ZFYVE16: variants seen among roughly 807,000 people sequenced by gnomAD.
ZFYVE16 encodes the protein zinc finger FYVE domain-containing protein 16.
ZFYVE16 carries 89 observed loss-of-function variants against 138.1 expected under a neutral mutation model. The observed-to-expected ratio is 0.64, with a 90% CI of 0.54 to 0.77. The LOEUF is 0.77. ZFYVE16 is among the 30% of genes least tolerant of loss of function. ZFYVE16 has a pLI of 0.00. For missense variants in ZFYVE16, 1,793 were observed against 1,786.7 expected, an observed-to-expected ratio of 1.00 and a Z score of -0.06; for synonymous variants, 596 against 618.3, an observed-to-expected ratio of 0.96 and a Z score of 0.53.
rs566995167 is a variant in ZFYVE16, at chr5:80,475,701, A to G, written c.4461+871A>G. Among the ~76,000 whole-genome samples the G allele has an allele frequency of 1.0e-3, 158 of 152,286 alleles. 1 individual carries two copies. Among genetic ancestry groups the G allele is most frequent in the Middle Eastern group, 3.4e-3 (1 of 294 alleles). On this transcript the variant is annotated intron_variant, in intron 18 of 18. Coordinates refer to ENST00000505560, the MANE Select transcript of ZFYVE16 (RefSeq NM_001284236.3). ...CATTCTTTTTTAACAGCGGCATAGT[A>G]GTTGATTATATAAATGTACCATAAT...
At chr5:80,435,203 T>G (rs907599679) in intron 3 of ZFYVE16, among the ~76,000 whole-genome samples, 5 of 152,080 alleles carry the variant, frequency 3.3e-5, no homozygotes, top group Non-Finnish European at 5.9e-5. Flanking sequence ...CCCAGCTAAT[T>G]TTTGTATTTT....
chr5:80,429,519 G>C (rs563541961), intron 2 of ZFYVE16, among the ~76,000 whole-genome samples: 2 of 152,246 alleles, frequency 1.3e-5, no homozygotes, highest in East Asian at 3.9e-4. Context: ...AAAGACCATC[G>C]ATGCTAGGAA....
chr5:80,441,804 A>G, intron 5 of ZFYVE16: 1 of 985,406 alleles, frequency 1.0e-6, no homozygotes, highest in African/African-American at 1.7e-5. Flanking sequence ...ATTCAGTGGC[A>G]CTTGAGGAAG....
At chr5:80,432,128 T>A (rs1430444860) in intron 2 of ZFYVE16, among the ~76,000 whole-genome samples, 9 of 152,122 alleles carry the variant, frequency 5.9e-5, no homozygotes, top group African/African-American at 2.2e-4. Context: ...CATTGCCAAG[T>A]CGATCCTAAG....
At chr5:80,464,243 G>A (rs1330988842) in intron 15 of ZFYVE16, among the ~76,000 whole-genome samples, 1 of 151,296 alleles carries the variant, frequency 6.6e-6, no homozygotes, top group Non-Finnish European at 1.5e-5. Context: ...AAGGAAAGAG[G>A]TTTAATTGAC....
At chr5:80,465,811 C>G (rs1753689504) in intron 15 of ZFYVE16, among the ~76,000 whole-genome samples, 1 of 152,080 alleles carries the variant, frequency 6.6e-6, no homozygotes, top group Non-Finnish European at 1.5e-5. Context: ...CTTTGTCATT[C>G]ACAGTTTGAC....
chr5:80,445,238 GTT>G, intron 6 of ZFYVE16, 23 bp from the exon 7 acceptor site: 3 of 1,602,232 alleles, frequency 1.9e-6, no homozygotes, highest in Non-Finnish European at 2.6e-6. Context: ...AGATTCAAAT[GTT>G]TTACTTTTTC....
chr5:80,450,218 C>A (rs1443854243), intron 9 of ZFYVE16, among the ~76,000 whole-genome samples: 1 of 151,754 alleles, frequency 6.6e-6, no homozygotes, highest in Non-Finnish European at 1.5e-5. Flanking sequence ...TTTAGTGCAT[C>A]TTTTATTTTA....
intron 1 of ZFYVE16, among the ~76,000 whole-genome samples, chr5:80,422,482 G>A (rs1372976116): frequency 2.0e-5 from 3 of 152,028 alleles, no homozygotes; most frequent in Non-Finnish European, 2.9e-5. Context: ...ACAGAGTCTC[G>A]CTCTGTCTGT....
Position 80,441,886 on chromosome 5 carries a change from C to T in ZFYVE16, c.2420-1237C>T, listed in dbSNP as rs146461959. The T allele has an allele frequency of 1.6e-4, 159 of 985,270 alleles. 2 individuals carry two copies. The African/African-American group carries it at 2.6e-3, about 16-fold the overall frequency. 61.0% of individuals were successfully genotyped at this position (985,270 alleles called of 1,614,324 possible). A position where few individuals can be genotyped will look rare whatever the true frequency, so the allele number is the denominator to read the frequency against. On this transcript the variant is annotated intron_variant, in intron 5 of 18. Transcript: ENST00000505560. The stretch of plus-strand genomic sequence containing the variant: ...TGCTGAAGGGAGAGCTATCAGTGTT[C>T]CTTATTTTTTGGATGAAGAATCACT...
chr5:80,472,631 C>G (rs1754497406), intron 15 of ZFYVE16, 130 bp from the exon 16 acceptor site: 1 of 952,332 alleles, frequency 1.1e-6, no homozygotes, highest in African/African-American at 1.7e-5. Context: ...GGAAAACAAC[C>G]ATTAAGATGA....
At position 80,445,418 on chromosome 5, in the gene ZFYVE16, A is replaced by G. The variant is rs746510001; in HGVS notation, c.2724+13A>G. 4 of 1,606,842 alleles carry G rather than the reference A, an allele frequency of 2.5e-6. No homozygotes were observed. Among genetic ancestry groups the G allele is most frequent in the Non-Finnish European group, 1.7e-6 (2 of 1,177,530 alleles). ...TGATGTGCCTATGGTAAGGAATTCAAAGAATAACTTAATTGACTAAACAAA... is the reference window on the plus strand; with the variant it reads ...TGATGTGCCTATGGTAAGGAATTCAGAGAATAACTTAATTGACTAAACAAA... On this transcript the variant is annotated intron_variant, in intron 7 of 18. Coordinates refer to ENST00000505560, the MANE Select transcript of ZFYVE16 (RefSeq NM_001284236.3).
chr5:80,422,935 C>T (rs572068101), intron 1 of ZFYVE16, among the ~76,000 whole-genome samples: 1 of 152,178 alleles, frequency 6.6e-6, no homozygotes, highest in South Asian at 2.1e-4. Context: ...GCACCATTTT[C>T]TTGAGCATTT....
At chr5:80,455,178 G>A (rs182338029) in intron 11 of ZFYVE16, 2 of 156,770 alleles carry the variant, frequency 1.3e-5, no homozygotes, top group Admixed American at 1.2e-4. Flanking sequence ...ATAAGATAAT[G>A]TATGTATAGT....
chr5:80,451,647 A>T lies in ZFYVE16; in HGVS notation c.3545A>T (p.Glu1182Val). 6.2e-7 allele frequency: 1 copy of T among 1,613,958 alleles called. No homozygotes were observed. Among genetic ancestry groups the T allele is most frequent in the South Asian group, 1.1e-5 (1 of 91,070 alleles). The change falls in exon 11 of 19, where the codon GAG (glutamate) becomes GTG (valine). Residue 1182 changes from glutamate (E) to valine (V), a missense_variant. Around this residue, in one of 2 missense-constraint regions of ZFYVE16, gnomAD observed 498 missense variants for 582.4 expected, o/e 0.86. Coordinates refer to ENST00000505560, the MANE Select transcript of ZFYVE16 (RefSeq NM_001284236.3). Reference protein sequence around the residue: ...FLCGILIQKLEIPWAKVFPMR... With the variant: ...FLCGILIQKLVIPWAKVFPMR... ...TGTGGAATTCTTATCCAGAAGCTTGAGATTCCCTGGGCAAAGGTTTTTCCT... is the reference window on the plus strand; with the variant it reads ...TGTGGAATTCTTATCCAGAAGCTTGTGATTCCCTGGGCAAAGGTTTTTCCT...
intron 10 of ZFYVE16, 144 bp downstream of exon 10, chr5:80,450,730 T>A: frequency 1.2e-6 from 1 of 846,006 alleles, no homozygotes; most frequent in Non-Finnish European, 1.7e-6. Flanking sequence ...AATAATTATT[T>A]TGTCTCCTTA....
At chr5:80,433,254 G>T (rs895870991) in intron 2 of ZFYVE16, among the ~76,000 whole-genome samples, 7 of 152,194 alleles carry the variant, frequency 4.6e-5, no homozygotes, top group Non-Finnish European at 7.3e-5. Flanking sequence ...ATACTATGCA[G>T]CCATAAAAGA....
chr5:80,409,020 G>A (rs1450982597), intron 1 of ZFYVE16, among the ~76,000 whole-genome samples: 3 of 151,996 alleles, frequency 2.0e-5, no homozygotes, highest in African/African-American at 7.2e-5. Flanking sequence ...TAAACCGCAT[G>A]CTTAGTGGCA....
At chr5:80,458,799 T>A (rs1752796682) in intron 14 of ZFYVE16, among the ~76,000 whole-genome samples, 1 of 152,230 alleles carries the variant, frequency 6.6e-6, no homozygotes, top group Non-Finnish European at 1.5e-5. Context: ...AAGTTAGGGC[T>A]CCATAAAAAC....
Sources: allele counts gnomAD v4.1 joint callset (sites outside exome capture counted in the v4.1 genomes callset), GRCh38; gene constraint gnomAD v4.1.1; regional missense constraint gnomAD v4.1.1; transcripts MANE v1.5; gene names NCBI Gene and HGNC (gene_info 2026-07-23, HGNC 2026-07-21).